TMEM131L: variants seen among roughly 807,000 people sequenced by gnomAD.
The protein encoded by TMEM131L is transmembrane 131 like, also known as transmembrane protein 131-like.
Under a neutral mutation model 192.2 loss-of-function variants are expected in TMEM131L, and 54 were observed. That is an observed-to-expected ratio of 0.28 (90% CI 0.23 to 0.35). The LOEUF (loss-of-function observed/expected upper bound fraction) is 0.35, where lower values mean the gene tolerates loss of function less well. Among genes scored for constraint, TMEM131L ranks in the 10% least tolerant of loss-of-function variants. TMEM131L has a pLI of 1.00. For missense variants in TMEM131L, 1,888 were observed against 1,972.9 expected (o/e 0.96, Z 0.82); for synonymous variants, 701 against 704.9 (o/e 0.99, Z 0.09).
chr4:153,551,229 GC>G (rs1213894956), intron 4 of TMEM131L, among the ~76,000 whole-genome samples: 2 of 152,190 alleles, frequency 1.3e-5, no homozygotes, highest in African/African-American at 4.8e-5. Context: ...AATAACCATG[GC>G]CGTAGGAGAG....
At chr4:153,524,254 A>T (rs1478135516) in intron 3 of TMEM131L, among the ~76,000 whole-genome samples, 2 of 150,408 alleles carry the variant, frequency 1.3e-5, no homozygotes, top group Non-Finnish European at 2.9e-5. Context: ...CAGGGCATGT[A>T]GCCCAAGGAC....
chr4:153,484,625 C>T (rs1452915487), intron 3 of TMEM131L, among the ~76,000 whole-genome samples: 320 of 149,956 alleles, frequency 2.1e-3, no homozygotes, highest in African/African-American at 7.4e-3. Flanking sequence ...CCCGCCACCA[C>T]GCCCAGCTAA....
chr4:153,491,783 T>A (rs552626279), intron 3 of TMEM131L, among the ~76,000 whole-genome samples: 2 of 152,150 alleles, frequency 1.3e-5, no homozygotes, highest in African/African-American at 2.4e-5. Flanking sequence ...CTTGGCTCAC[T>A]ACAACCTCAG....
intron 12 of TMEM131L, 108 bp downstream of exon 12, chr4:153,585,039 C>T (rs1730606554): frequency 1.1e-6 from 1 of 888,206 alleles, no homozygotes; most frequent in Non-Finnish European, 1.8e-6. Flanking sequence ...TTCTCTCTCT[C>T]ACTGGCCTTG....
chr4:153,608,907 A>G (rs1402175906), intron 25 of TMEM131L, among the ~76,000 whole-genome samples: 1 of 152,088 alleles, frequency 6.6e-6, no homozygotes, highest in Non-Finnish European at 1.5e-5. Flanking sequence ...CATCTTGATG[A>G]GTTTGGGAAT....
Position 153,587,691 on chromosome 4 carries a change from T to C in TMEM131L, c.1483-51T>C, listed in dbSNP as rs768330602. The C allele has an allele frequency of 8.2e-6, 11 of 1,334,504 alleles. No individual in the cohort carries two copies. The South Asian group carries it at 1.3e-4, about 16-fold the overall frequency. 82.7% of individuals were successfully genotyped at this position (1,334,504 alleles called of 1,614,324 possible). ...TTTGAATTTTAGTGCATTAGAATTT[T>C]TATGTTTAGTGCTGTGTTTTAAGTT... On this transcript the variant is annotated intron_variant, in intron 14 of 34. Coordinates refer to ENST00000409959, the MANE Select transcript of TMEM131L (RefSeq NM_001131007.2).
chr4:153,598,397 C>G (rs1578833652), intron 20 of TMEM131L, among the ~76,000 whole-genome samples, 193 bp from the exon 21 acceptor site: 1 of 152,274 alleles, frequency 6.6e-6, no homozygotes, highest in Admixed American at 6.5e-5. Flanking sequence ...GCAGTGGCAG[C>G]TTTTCTTGCC....
chr4:153,540,072 C>T (rs1414332741), intron 3 of TMEM131L, among the ~76,000 whole-genome samples: 1 of 152,038 alleles, frequency 6.6e-6, no homozygotes, highest in African/African-American at 2.4e-5. Flanking sequence ...GATCGCGCCA[C>T]TGCCCTCCAG....
intron 3 of TMEM131L, among the ~76,000 whole-genome samples, chr4:153,503,116 T>G (rs1435696569): frequency 6.6e-6 from 1 of 152,230 alleles, no homozygotes; most frequent in Non-Finnish European, 1.5e-5. Context: ...AGATATAATT[T>G]CAGTTTCTCA....
chr4:153,473,223 G>A (rs1033048892), intron 2 of TMEM131L, among the ~76,000 whole-genome samples: 7 of 152,204 alleles, frequency 4.6e-5, no homozygotes, highest in Admixed American at 2.6e-4. Context: ...GACATTGAGT[G>A]CTGGGTCCTT....
At chr4:153,546,091 G>A (rs996101115) in intron 3 of TMEM131L, among the ~76,000 whole-genome samples, 3 of 151,932 alleles carry the variant, frequency 2.0e-5, no homozygotes, top group African/African-American at 4.8e-5. Flanking sequence ...AGGTCTCACC[G>A]TATTGCCCAG....
At chr4:153,632,294 C>G (rs1734263640) in intron 31 of TMEM131L, 1 of 167,328 alleles carries the variant, frequency 6.0e-6, no homozygotes, top group Non-Finnish European at 1.3e-5. Context: ...GCCTGGGCAA[C>G]AGAGTGAGAC....
Position 153,558,626 on chromosome 4 carries a change from T to A in TMEM131L, c.660+258T>A, listed in dbSNP as rs566090425. On this transcript the variant is annotated intron_variant, in intron 7 of 34. Coordinates refer to ENST00000409959, the MANE Select transcript of TMEM131L (RefSeq NM_001131007.2). ...TTTCACTGTTATTACCGTTAGGCCA[T>A]ATACCTATTTTATAAGTTTCTTTAA... 5.2e-5 allele frequency: 12 copies of A among 230,754 alleles called. No individual in the cohort carries two copies. The South Asian group carries it at 1.1e-3, about 20-fold the overall frequency. 14.3% of individuals were successfully genotyped at this position (230,754 alleles called of 1,614,324 possible). A position where few individuals can be genotyped will look rare whatever the true frequency, so the allele number is the denominator to read the frequency against.
chr4:153,511,943 T>C (rs1734386757), intron 3 of TMEM131L, among the ~76,000 whole-genome samples: 1 of 152,242 alleles, frequency 6.6e-6, no homozygotes, highest in East Asian at 1.9e-4. Flanking sequence ...TACTGATTTT[T>C]ATGGTTAAAT....
intron 3 of TMEM131L, among the ~76,000 whole-genome samples, chr4:153,530,004 C>T (rs1434992339): frequency 6.6e-6 from 1 of 151,680 alleles, no homozygotes; most frequent in Non-Finnish European, 1.5e-5. Context: ...CCATTTGCAG[C>T]CTCTAAAATT....
chr4:153,472,895 T>C (rs994107600), intron 2 of TMEM131L, among the ~76,000 whole-genome samples: 2 of 152,140 alleles, frequency 1.3e-5, no homozygotes, highest in African/African-American at 2.4e-5. Flanking sequence ...TGCTGAAATA[T>C]AGGAACTGAG....
At chr4:153,470,135 A>G (rs1170249196) in intron 2 of TMEM131L, among the ~76,000 whole-genome samples, 1 of 152,080 alleles carries the variant, frequency 6.6e-6, no homozygotes, top group Non-Finnish European at 1.5e-5. Flanking sequence ...ACCTCTGGCC[A>G]GGTCTCCTGG....
Position 153,592,488 on chromosome 4 carries a change from T to G in TMEM131L, c.1826T>G (p.Val609Gly). Reference protein sequence around the residue: ...ALRSRMIKYFVVQNPSSWPVS... With the variant: ...ALRSRMIKYFGVQNPSSWPVS... ...CCTCACACCTAGATCAAGTACTTTG[T>G]GGTGCAGAACCCGTCCTCTTGGCCG... The change falls in exon 18 of 35, where the codon GTG (valine) becomes GGG (glycine). Residue 609 changes from valine (V) to glycine (G), a missense_variant. By Grantham distance (109) the Val-to-Gly change is moderately radical (BLOSUM62 -3). Transcript: ENST00000409959. The G allele has an allele frequency of 6.2e-7, 1 of 1,613,788 alleles. No individual in the cohort carries two copies.
chr4:153,611,742 T>C (rs1371135042), intron 25 of TMEM131L, among the ~76,000 whole-genome samples: 1 of 152,226 alleles, frequency 6.6e-6, no homozygotes, highest in Non-Finnish European at 1.5e-5. Flanking sequence ...TCCTTTCATA[T>C]CTGGCTAAGT....
Sources: allele counts gnomAD v4.1 joint callset (sites outside exome capture counted in the v4.1 genomes callset), GRCh38; gene constraint gnomAD v4.1.1; transcripts MANE v1.5; gene names NCBI Gene and HGNC (gene_info 2026-07-23, HGNC 2026-07-21).